The following ARHGAP10 variants were observed in gnomAD, a reference collection of about 807,000 sequenced individuals.
The protein encoded by ARHGAP10 is rho GTPase-activating protein 10.
ARHGAP10 carries 87 observed loss-of-function variants against 108.6 expected under a neutral mutation model. The observed-to-expected ratio is 0.80, with a 90% CI of 0.67 to 0.96. The LOEUF is 0.96. Ranked by LOEUF, ARHGAP10 falls within the 40% of genes least tolerant of loss-of-function variation. ARHGAP10 has a pLI of 0.00. For synonymous variants in ARHGAP10, 347 were observed against 341.1 expected (o/e 1.02, Z -0.19); for missense variants, 939 against 954.5 (o/e 0.98, Z 0.21).
intron 18 of ARHGAP10, among the ~76,000 whole-genome samples, chr4:147,997,530 G>A (rs995315812): frequency 6.6e-6 from 1 of 152,212 alleles, no homozygotes; most frequent in Non-Finnish European, 1.5e-5. Context: ...CACAGTGAAT[G>A]AAAGGAGAAA....
chr4:147,822,868 C>G, intron 2 of ARHGAP10, 28 bp from the exon 3 acceptor site: 1 of 1,613,722 alleles, frequency 6.2e-7, no homozygotes, highest in South Asian at 1.1e-5. Context: ...GCCATGGCCA[C>G]CAAATAATCA....
intron 1 of ARHGAP10, among the ~76,000 whole-genome samples, chr4:147,760,700 T>A: frequency 6.6e-6 from 1 of 152,236 alleles, no homozygotes; most frequent in Non-Finnish European, 1.5e-5. Context: ...AACATTGCCC[T>A]TTATTCCCTA....
At chr4:147,861,534 C>G (rs1280243132) in intron 5 of ARHGAP10, 1 of 152,340 alleles carries the variant, frequency 6.6e-6, no homozygotes, top group Non-Finnish European at 1.5e-5. Flanking sequence ...AGTTCTTGTC[C>G]CACATCCAAG....
chr4:147,964,158 G>A (rs754832569), intron 16 of ARHGAP10, among the ~76,000 whole-genome samples: 37 of 152,182 alleles, frequency 2.4e-4, no homozygotes, highest in Admixed American at 1.8e-3. Flanking sequence ...CCAAAGCCCC[G>A]TGACCCCCCT....
At chr4:147,861,388 C>G (rs1734315135) in intron 5 of ARHGAP10, 1 of 152,550 alleles carries the variant, frequency 6.6e-6, no homozygotes, top group African/African-American at 2.4e-5. Flanking sequence ...GCTTAGGGAG[C>G]CCCTAGGTCT....
intron 10 of ARHGAP10, among the ~76,000 whole-genome samples, chr4:147,884,022 A>G (rs1181782217): frequency 6.6e-6 from 1 of 152,186 alleles, no homozygotes; most frequent in Admixed American, 6.5e-5. Context: ...CCACTGTGCC[A>G]TAAGTCTCTG....
chr4:147,817,123 A>T (rs1732282171), intron 1 of ARHGAP10, among the ~76,000 whole-genome samples: 1 of 152,220 alleles, frequency 6.6e-6, no homozygotes, highest in South Asian at 2.1e-4. Context: ...TTAATGAGTG[A>T]CAAGAGTATA....
intron 18 of ARHGAP10, among the ~76,000 whole-genome samples, chr4:148,012,305 G>A (rs1057296739): frequency 6.6e-6 from 1 of 152,216 alleles, no homozygotes; most frequent in African/African-American, 2.4e-5. Flanking sequence ...GAGAGGCAGT[G>A]AGTTCCAAAC....
intron 15 of ARHGAP10, among the ~76,000 whole-genome samples, chr4:147,948,185 G>A (rs1194807423): frequency 2.0e-5 from 3 of 151,720 alleles, no homozygotes; most frequent in East Asian, 1.9e-4. Context: ...TGATCTATCC[G>A]CCTTAGCCTC....
chr4:147,860,840 A>T (rs1734284786), intron 5 of ARHGAP10: 1 of 152,264 alleles, frequency 6.6e-6, no homozygotes, highest in Non-Finnish European at 1.5e-5. Flanking sequence ...GTTAAAAACT[A>T]GTGATTTGCT....
intron 7 of ARHGAP10, among the ~76,000 whole-genome samples, chr4:147,868,991 T>A (rs1400745290): frequency 1.3e-5 from 2 of 152,064 alleles, no homozygotes; most frequent in African/African-American, 4.8e-5. Flanking sequence ...GGCTATATAA[T>A]CTGTGGAAAT....
In ARHGAP10 at chr4:147,784,145, T is replaced by A. The variant is rs80044485; in HGVS notation, c.155-38582T>A. Among the ~76,000 whole-genome samples the A allele has an allele frequency of 4.7e-3, 315 of 67,520 alleles. 10 individuals carry two copies. The highest frequency in any genetic ancestry group is 0.015 in the African/African-American group (265 of 17,348). 44.3% of individuals were successfully genotyped at this position (67,520 alleles called of 152,430 possible). On this transcript the variant is annotated intron_variant, in intron 1 of 22. Coordinates refer to ENST00000336498, the MANE Select transcript of ARHGAP10 (RefSeq NM_024605.4). Reference sequence around the variant, plus strand: ...ATAACATTAAATTGTGTATTATATATTTTACATAACATTAAATTGTGTATT... The same window carrying A: ...ATAACATTAAATTGTGTATTATATAATTTACATAACATTAAATTGTGTATT...
At chr4:148,001,505 G>A (rs1001453681) in intron 18 of ARHGAP10, among the ~76,000 whole-genome samples, 21 of 152,140 alleles carry the variant, frequency 1.4e-4, no homozygotes, top group Admixed American at 7.9e-4. Context: ...TACCTTGGGT[G>A]GTATGGCCAT....
At chr4:147,759,858 C>T (rs1729523878) in intron 1 of ARHGAP10, among the ~76,000 whole-genome samples, 1 of 152,190 alleles carries the variant, frequency 6.6e-6, no homozygotes, top group Non-Finnish European at 1.5e-5. Flanking sequence ...AAGTGATTCT[C>T]CTGCCTCAGC....
chr4:147,881,986 T>C (rs1344037882), intron 10 of ARHGAP10, 54 bp downstream of exon 10: 19 of 1,550,062 alleles, frequency 1.2e-5, no homozygotes, highest in Non-Finnish European at 1.7e-5. Context: ...AAAAAATGAT[T>C]TAAAAAAATA....
chr4:147,915,735 C>T (rs1736955000), intron 13 of ARHGAP10, among the ~76,000 whole-genome samples: 1 of 152,114 alleles, frequency 6.6e-6, no homozygotes, highest in South Asian at 2.1e-4. Context: ...TCTTCCATTA[C>T]TGAAACTTTT....
At chr4:147,805,279 G>T (rs966481988) in intron 1 of ARHGAP10, among the ~76,000 whole-genome samples, 2 of 152,114 alleles carry the variant, frequency 1.3e-5, no homozygotes, top group Non-Finnish European at 2.9e-5. Context: ...GAGATCAGAT[G>T]GTTGTAGGTG....
At chr4:147,995,812 G>A (rs1485312500) in intron 18 of ARHGAP10, among the ~76,000 whole-genome samples, 2 of 151,832 alleles carry the variant, frequency 1.3e-5, no homozygotes, top group Non-Finnish European at 1.5e-5. Flanking sequence ...CGCCTCCTGG[G>A]TTCACGCCAT....
intron 7 of ARHGAP10, 136 bp downstream of exon 7, chr4:147,866,952 T>C: frequency 2.8e-6 from 2 of 723,782 alleles, no homozygotes; most frequent in Non-Finnish European, 4.4e-6. Flanking sequence ...TGCTGCCACC[T>C]GCTGGTCAAC....
Sources: gnomAD v4.1 joint callset for allele counts (sites outside exome capture counted in the v4.1 genomes callset) on GRCh38, gnomAD v4.1.1 for gene constraint, MANE v1.5 for transcripts, NCBI Gene and HGNC (gene_info 2026-07-23, HGNC 2026-07-21) for gene names.